ABCA5: variants seen among roughly 807,000 people sequenced by gnomAD.
The protein encoded by ABCA5 is cholesterol transporter ABCA5.
ABCA5 carries 163 observed loss-of-function variants against 206.0 expected under a neutral mutation model. The ratio of observed to expected loss-of-function variants is 0.79; its 90% CI spans 0.70 to 0.90. ABCA5 has a LOEUF of 0.90. ABCA5 is among the 40% of genes least tolerant of loss of function. The pLI, the probability that ABCA5 is intolerant of heterozygous loss-of-function variation, is 0.00. For synonymous variants in ABCA5, 609 were observed against 613.8 expected (o/e 0.99, Z 0.11); for missense variants, 1,859 against 1,912.9 (o/e 0.97, Z 0.53).
intron 10 of ABCA5, 35 bp from the exon 11 acceptor site, chr17:69,294,748 A>C (rs1264247449): frequency 7.0e-7 from 1 of 1,425,866 alleles, no homozygotes; most frequent in Non-Finnish European, 9.7e-7. Context: ...AAGTATTTAA[A>C]GCAATTTATA....
Position 69,314,439 on chromosome 17 carries a change from G to A in ABCA5, c.-15-9C>T, listed in dbSNP as rs9891545. 6.5e-6 allele frequency: 10 copies of A among 1,542,774 alleles called. No individual in the cohort carries two copies. In the East Asian group the frequency reaches 1.8e-4, roughly 28 times the overall value. On this transcript the variant is annotated splice_polypyrimidine_tract_variant and intron_variant, in intron 1 of 38. Coordinates refer to ENST00000392676, the MANE Select transcript of ABCA5 (RefSeq NM_172232.4). ...ATGTTTTCTGAATAAACCTATTAAA[G>A]AGGAAAAACAAACAAACAAACCCGG... is the stretch of plus-strand genomic sequence containing the variant.
In ABCA5 at chr17:69,246,244, T is replaced by C. The variant is rs897301747; in HGVS notation, c.*1293A>G. The C allele has an allele frequency of 2.0e-5, 3 of 152,116 alleles. No individual in the cohort carries two copies. The allele number at this position is 152,116 out of a possible 1,614,324, so 9.4% of individuals were successfully genotyped here. On this transcript the variant is annotated 3_prime_UTR_variant, in exon 39 of 39. Transcript: ENST00000392676. ...GAAAGGTTTTGCTTATTTAAAGTAATTCAGTACCAAATCCTTCTGTCATTG... is the reference window on the plus strand; with the variant it reads ...GAAAGGTTTTGCTTATTTAAAGTAACTCAGTACCAAATCCTTCTGTCATTG...
intron 18 of ABCA5, among the ~76,000 whole-genome samples, chr17:69,282,833 C>G (rs931551599): frequency 1.3e-5 from 2 of 151,802 alleles, no homozygotes; most frequent in South Asian, 2.1e-4. Context: ...TATTCTTCCC[C>G]TATTTTCAGG....
intron 28 of ABCA5, among the ~76,000 whole-genome samples, chr17:69,258,223 A>ATGTT (rs1446199302): frequency 6.6e-6 from 1 of 152,166 alleles, no homozygotes; most frequent in African/African-American, 2.4e-5. Flanking sequence ...CTGAACTCAT[A>ATGTT]TGTTCATCAT....
intron 14 of ABCA5, 105 bp downstream of exon 14, chr17:69,289,072 T>C: frequency 8.9e-7 from 1 of 1,122,300 alleles, no homozygotes; most frequent in South Asian, 2.0e-5. Flanking sequence ...TACAGCATTT[T>C]ATGTACACTT....
Position 69,286,220 on chromosome 17 carries a change from C to A in ABCA5, c.2132+1G>T. The A allele has an allele frequency of 6.2e-7, 1 of 1,601,610 alleles. No homozygotes were observed. Among genetic ancestry groups the A allele is most frequent in the South Asian group, 1.1e-5 (1 of 88,426 alleles). On this transcript the variant is annotated splice_donor_variant, in intron 16 of 38. Transcript: ENST00000392676. LOFTEE classifies it high-confidence loss of function. ...ATAATGTCAATAAAAATGAATGATACCTCAGGCGGTAGCCGATCCCCCATT... is the reference window on the plus strand; with the variant it reads ...ATAATGTCAATAAAAATGAATGATAACTCAGGCGGTAGCCGATCCCCCATT...
chr17:69,270,782 C>A (rs763456515), intron 21 of ABCA5, 32 bp from the exon 22 acceptor site: 1 of 1,505,510 alleles, frequency 6.6e-7, no homozygotes, highest in Non-Finnish European at 8.8e-7. Context: ...TTATTACATA[C>A]TGTATATAAG....
At chr17:69,255,207 A>G (rs1173743284) in intron 31 of ABCA5, among the ~76,000 whole-genome samples, 1 of 152,180 alleles carries the variant, frequency 6.6e-6, no homozygotes, top group African/African-American at 2.4e-5. Flanking sequence ...TGCTTATAAT[A>G]AAAGACTAGC....
chr17:69,279,064 G>A (rs1011393667), intron 18 of ABCA5, among the ~76,000 whole-genome samples: 1 of 151,248 alleles, frequency 6.6e-6, no homozygotes, highest in African/African-American at 2.4e-5. Context: ...GGAAATAAAG[G>A]GTATTCAATT....
intron 19 of ABCA5, among the ~76,000 whole-genome samples, chr17:69,276,571 A>G (rs550518029): frequency 3.4e-4 from 52 of 152,250 alleles, no homozygotes; most frequent in African/African-American, 1.2e-3. Context: ...ACCAAACACC[A>G]CATGTTCTCA....
intron 23 of ABCA5, among the ~76,000 whole-genome samples, chr17:69,266,900 T>A (rs2075215587): frequency 6.6e-6 from 1 of 151,390 alleles, no homozygotes; most frequent in Admixed American, 6.6e-5. Flanking sequence ...TGAGATGGAG[T>A]TTTTGCTCTT....
In ABCA5 at chr17:69,259,681, T is replaced by C. The variant is rs764395165; in HGVS notation, c.3731+25A>G. The C allele has an allele frequency of 8.8e-6, 13 of 1,478,282 alleles. No homozygotes were observed. In the Admixed American group the frequency reaches 1.1e-4, roughly 12 times the overall value. The allele number at this position is 1,478,282 out of a possible 1,614,324, so 91.6% of individuals were successfully genotyped here. Reference sequence around the variant, plus strand: ...GTTCTGTAAATATACTAAAAACATTTAAAATTTTTAAAAAATCAACTGACC... The same window carrying C: ...GTTCTGTAAATATACTAAAAACATTCAAAATTTTTAAAAAATCAACTGACC... On this transcript the variant is annotated intron_variant, in intron 28 of 38. Transcript: ENST00000392676.
intron 1 of ABCA5, chr17:69,314,671 G>A (rs560052218): frequency 8.4e-6 from 3 of 357,860 alleles, no homozygotes; most frequent in Non-Finnish European, 1.5e-5. Flanking sequence ...ATCAACAGTG[G>A]TACTTTTTCT....
Position 69,250,002 on chromosome 17 carries a change from A to G in ABCA5, c.4686-18T>C, listed in dbSNP as rs763603055. 9.1e-6 allele frequency: 13 copies of G among 1,425,344 alleles called. No homozygotes were observed. The highest frequency in any genetic ancestry group is 3.7e-4 in the Middle Eastern group (2 of 5,408). The allele number at this position is 1,425,344 out of a possible 1,614,324, so 88.3% of individuals were successfully genotyped here. A position where few individuals can be genotyped will look rare whatever the true frequency, so the allele number is the denominator to read the frequency against. On this transcript the variant is annotated intron_variant, in intron 36 of 38. Transcript: ENST00000392676. ...AAGAAAAACTGGAAAAAAAGATAAAATATGGAAAAAAATTAAAAATTACTA... is the reference window on the plus strand; with the variant it reads ...AAGAAAAACTGGAAAAAAAGATAAAGTATGGAAAAAAATTAAAAATTACTA...
rs1317781797 is a variant in ABCA5, at chr17:69,314,468, C to G, written c.-15-38G>C. 3 of 1,313,318 alleles carry G rather than the reference C, an allele frequency of 2.3e-6. No individual in the cohort carries two copies. The East Asian group carries it at 7.1e-5, about 31-fold the overall frequency. 81.4% of individuals were successfully genotyped at this position (1,313,318 alleles called of 1,614,324 possible). ...AAAAACAAACAAACAAACCCGGAGC[C>G]ACGCAGTAAACTGCATGTAATTTTT... On this transcript the variant is annotated intron_variant, in intron 1 of 38. Coordinates refer to ENST00000392676, the MANE Select transcript of ABCA5 (RefSeq NM_172232.4).
At chr17:69,261,012 A>G (rs2075140684) in intron 26 of ABCA5, 113 bp downstream of exon 26, 3 of 796,874 alleles carry the variant, frequency 3.8e-6, no homozygotes, top group Non-Finnish European at 5.8e-6. Flanking sequence ...TAAATCAAGT[A>G]GTAGCCATTA....
chr17:69,309,843 A>C (rs879830630), intron 3 of ABCA5, among the ~76,000 whole-genome samples: 8 of 152,184 alleles, frequency 5.3e-5, no homozygotes, highest in Non-Finnish European at 1.2e-4. Flanking sequence ...ATGTCTCAAA[A>C]AAAACAAACA....
chr17:69,302,364 C>T (rs2145012264), intron 8 of ABCA5, among the ~76,000 whole-genome samples: 1 of 152,254 alleles, frequency 6.6e-6, no homozygotes, highest in African/African-American at 2.4e-5. Flanking sequence ...CCCATGCATT[C>T]TTCTGAGATA....
At chr17:69,258,652 T>C (rs1223345516) in intron 28 of ABCA5, among the ~76,000 whole-genome samples, 1 of 152,122 alleles carries the variant, frequency 6.6e-6, no homozygotes, top group East Asian at 1.9e-4. Flanking sequence ...GTATGCAATA[T>C]ACCCAGCTAA....
Sources: allele counts gnomAD v4.1 joint callset (sites outside exome capture counted in the v4.1 genomes callset), GRCh38; gene constraint gnomAD v4.1.1; transcripts MANE v1.5; gene names NCBI Gene and HGNC (gene_info 2026-07-23, HGNC 2026-07-21).